The following AGPS variants were observed in gnomAD, a reference collection of about 807,000 sequenced individuals.
The protein encoded by AGPS is alkylglycerone phosphate synthase.
Under a neutral mutation model 90.7 loss-of-function variants are expected in AGPS, and 26 were observed. That is an observed-to-expected ratio of 0.29 (90% CI 0.21 to 0.40). The LOEUF (loss-of-function observed/expected upper bound fraction) is 0.40. AGPS is among the 10% of genes least tolerant of loss of function. The probability of loss-of-function intolerance (pLI) is 1.00; values close to 1 mark genes in which losing one functional copy is unlikely to be tolerated. For synonymous variants in AGPS, 294 were observed against 285.3 expected (o/e 1.03, Z -0.31); for missense variants, 540 against 816.1 (o/e 0.66, Z 4.12).
At chr2:177,395,691 A>G (rs2105580012) in intron 1 of AGPS, among the ~76,000 whole-genome samples, 1 of 152,322 alleles carries the variant, frequency 6.6e-6, no homozygotes, top group East Asian at 1.9e-4. Context: ...GAGTATGCCT[A>G]TATGTCAATT....
At chr2:177,488,132 A>G (rs1688149461) in intron 11 of AGPS, among the ~76,000 whole-genome samples, 1 of 152,204 alleles carries the variant, frequency 6.6e-6, no homozygotes, top group Non-Finnish European at 1.5e-5. Context: ...ATTAGTTAGA[A>G]GAAGAATTTG....
At chr2:177,478,606 A>G (rs995488921) in intron 10 of AGPS, among the ~76,000 whole-genome samples, 1 of 152,066 alleles carries the variant, frequency 6.6e-6, no homozygotes, top group African/African-American at 2.4e-5. Flanking sequence ...CTTTTGCCAG[A>G]GACCATCTGT....
intron 16 of AGPS, among the ~76,000 whole-genome samples, chr2:177,509,303 A>T (rs938514912): frequency 2.6e-5 from 4 of 152,324 alleles, no homozygotes; most frequent in Middle Eastern, 3.4e-3. Flanking sequence ...TTTGATGCTA[A>T]ATTTTAACAA....
chr2:177,535,746 T>C (rs942139686), intron 19 of AGPS, among the ~76,000 whole-genome samples: 2 of 152,170 alleles, frequency 1.3e-5, no homozygotes, highest in Non-Finnish European at 2.9e-5. Flanking sequence ...AAGCCAAAGA[T>C]TTCTAGTACC....
At chr2:177,524,873 T>C (rs1400642462) in intron 19 of AGPS, among the ~76,000 whole-genome samples, 2 of 152,108 alleles carry the variant, frequency 1.3e-5, no homozygotes, top group Non-Finnish European at 2.9e-5. Flanking sequence ...CTATGGAAGG[T>C]GTGTGTCCAT....
intron 1 of AGPS, among the ~76,000 whole-genome samples, chr2:177,405,539 C>T (rs1042714921): frequency 5.9e-5 from 9 of 152,160 alleles, no homozygotes; most frequent in African/African-American, 1.4e-4. Context: ...ATTTTCCACA[C>T]GTATCACTCT....
chr2:177,495,343 G>A (rs1688380511), intron 12 of AGPS, among the ~76,000 whole-genome samples: 1 of 152,070 alleles, frequency 6.6e-6, no homozygotes, highest in South Asian at 2.1e-4. Flanking sequence ...ATTCATGACT[G>A]TTCGTCAGAG....
intron 16 of AGPS, among the ~76,000 whole-genome samples, chr2:177,510,292 A>C (rs745368691): frequency 1.3e-5 from 2 of 151,776 alleles, no homozygotes; most frequent in African/African-American, 4.8e-5. Flanking sequence ...AGGAAAGCAG[A>C]GAGAGAGAGA....
chr2:177,439,291 T>C (rs563609711), intron 5 of AGPS, among the ~76,000 whole-genome samples: 13 of 152,228 alleles, frequency 8.5e-5, no homozygotes, highest in Middle Eastern at 3.4e-3. Context: ...ATATGTAACA[T>C]ATTGGGTAGT....
At chr2:177,439,797 T>C (rs1247824025) in intron 5 of AGPS, among the ~76,000 whole-genome samples, 1 of 152,166 alleles carries the variant, frequency 6.6e-6, no homozygotes, top group African/African-American at 2.4e-5. Context: ...CCATCTCTTA[T>C]TATATCAGGA....
chr2:177,523,690 T>C, intron 18 of AGPS, 58 bp from the exon 19 acceptor site: 1 of 1,500,342 alleles, frequency 6.7e-7, no homozygotes, highest in Non-Finnish European at 9.3e-7. Context: ...GGTCTTTTTC[T>C]TTCACTGCAA....
At chr2:177,471,922 G>T (rs1384234157) in intron 10 of AGPS, among the ~76,000 whole-genome samples, 1 of 151,832 alleles carries the variant, frequency 6.6e-6, no homozygotes, top group Non-Finnish European at 1.5e-5. Context: ...TTCTTAGTAG[G>T]CTAATTTTCT....
chr2:177,437,119 G>C lies in AGPS; in HGVS notation c.637+65G>C, dbSNP rs1191875831. ...TAAATTTTAGGTAAATTTAACATTG[G>C]AAATACGTACTTTTTGGCATATGAG... On this transcript the variant is annotated intron_variant, in intron 5 of 19. Coordinates refer to ENST00000264167, the MANE Select transcript of AGPS (RefSeq NM_003659.4). 2.1e-6 allele frequency: 3 copies of C among 1,448,134 alleles called. No homozygotes were observed. In the East Asian group the frequency reaches 6.8e-5, roughly 33 times the overall value. The allele number at this position is 1,448,134 out of a possible 1,614,324, so 89.7% of individuals were successfully genotyped here.
intron 17 of AGPS, among the ~76,000 whole-genome samples, 191 bp downstream of exon 17, chr2:177,514,099 G>T (rs1203644412): frequency 6.6e-6 from 1 of 152,112 alleles, no homozygotes; most frequent in East Asian, 1.9e-4. Flanking sequence ...AGCCTTTTAG[G>T]AGTAGGACAC....
intron 11 of AGPS, among the ~76,000 whole-genome samples, chr2:177,492,832 G>T (rs1688304123): frequency 6.6e-6 from 1 of 152,210 alleles, no homozygotes; most frequent in Admixed American, 6.5e-5. Flanking sequence ...TTGGGGTCTG[G>T]TATTTCTTTT....
chr2:177,434,996 G>GGT (rs1686356500), intron 3 of AGPS, among the ~76,000 whole-genome samples: 1 of 2,960 alleles, frequency 3.4e-4, no homozygotes. Context: ...TTAAACTGTA[G>GGT]GTATATATAT....
chr2:177,535,460 A>T lies in AGPS; in HGVS notation c.1856-2614A>T, dbSNP rs1285616963. Among the ~76,000 whole-genome samples, 8 of 152,210 alleles carry T rather than the reference A, an allele frequency of 5.3e-5. No homozygotes were observed. The South Asian group carries it at 1.2e-3, about 24-fold the overall frequency. On this transcript the variant is annotated intron_variant, in intron 19 of 19. Transcript: ENST00000264167. ...GTCAGCTAATTTCTGAATGCCCAGC[A>T]GTACAACTAAGAATTGTACAAAGGG... is the stretch of plus-strand genomic sequence containing the variant.
chr2:177,472,859 C>T (rs890534085), intron 10 of AGPS, among the ~76,000 whole-genome samples: 14 of 152,096 alleles, frequency 9.2e-5, no homozygotes, highest in African/African-American at 3.1e-4. Flanking sequence ...CGTGTGTACA[C>T]GTGTACACAT....
intron 1 of AGPS, among the ~76,000 whole-genome samples, chr2:177,406,765 T>A (rs1685478205): frequency 6.6e-6 from 1 of 152,250 alleles, no homozygotes; most frequent in Non-Finnish European, 1.5e-5. Flanking sequence ...CAATCTCTTA[T>A]TTGGCATTCA....
Sources: allele counts gnomAD v4.1 joint callset (sites outside exome capture counted in the v4.1 genomes callset), GRCh38; gene constraint gnomAD v4.1.1; transcripts MANE v1.5; gene names NCBI Gene and HGNC (gene_info 2026-07-23, HGNC 2026-07-21).